SNX29: variants seen among roughly 807,000 people sequenced by gnomAD.
SNX29 encodes sorting nexin-29.
In SNX29, 78 loss-of-function variants were observed where a neutral mutation model predicts 102.1. The observed-to-expected ratio is 0.76, with a 90% CI of 0.64 to 0.92. SNX29 has a LOEUF of 0.92. Ranked by LOEUF, SNX29 falls within the 40% of genes least tolerant of loss-of-function variation. The pLI is 0.00. For missense variants in SNX29, 1,280 were observed against 1,061.7 expected (o/e 1.21, Z -2.86); for synonymous variants, 580 against 414.5 (o/e 1.40, Z -4.85).
chr16:12,471,256 A>G (rs1174923907), intron 18 of SNX29, among the ~76,000 whole-genome samples: 1 of 152,096 alleles, frequency 6.6e-6, no homozygotes, highest in Non-Finnish European at 1.5e-5. Flanking sequence ...ATGGGAGTGC[A>G]TGTTTGTGTG....
intron 20 of SNX29, among the ~76,000 whole-genome samples, chr16:12,566,237 G>A (rs141877620): frequency 1.3e-4 from 20 of 152,308 alleles, no homozygotes; most frequent in Non-Finnish European, 2.5e-4. Flanking sequence ...ATCCCCAAAT[G>A]ACAGACAAGG....
chr16:12,443,142 C>T, intron 18 of SNX29: 1 of 411,796 alleles, frequency 2.4e-6, no homozygotes, highest in South Asian at 1.7e-5. Context: ...TCCTGCCGGG[C>T]CTAGGGCCTG....
chr16:12,566,120 C>G (rs952881741), intron 20 of SNX29, among the ~76,000 whole-genome samples: 2 of 152,216 alleles, frequency 1.3e-5, no homozygotes, highest in African/African-American at 4.8e-5. Flanking sequence ...TTATTCTGTC[C>G]AAGGCTCAGA....
At chr16:12,527,688 G>A (rs1466473468) in intron 20 of SNX29, among the ~76,000 whole-genome samples, 1 of 152,156 alleles carries the variant, frequency 6.6e-6, no homozygotes, top group African/African-American at 2.4e-5. Context: ...GGGGATCCTA[G>A]GGTGTTTGGC....
chr16:12,235,596 A>G (rs574836317), intron 14 of SNX29, among the ~76,000 whole-genome samples: 1 of 152,286 alleles, frequency 6.6e-6, no homozygotes, highest in East Asian at 1.9e-4. Context: ...TAACATTGGC[A>G]TATTTTTCAG....
intron 14 of SNX29, among the ~76,000 whole-genome samples, chr16:12,204,447 C>A (rs1405248212): frequency 6.6e-6 from 1 of 152,194 alleles, no homozygotes; most frequent in East Asian, 1.9e-4. Context: ...CTCCTACCTC[C>A]CCTCTTACTG....
At chr16:12,367,464 A>G (rs189966155) in intron 16 of SNX29, 1 of 152,324 alleles carries the variant, frequency 6.6e-6, no homozygotes, top group East Asian at 1.9e-4. Flanking sequence ...CTCTGAGATG[A>G]CTGAGCTGAT....
intron 11 of SNX29, among the ~76,000 whole-genome samples, chr16:12,108,538 G>A (rs2053362889): frequency 6.6e-6 from 1 of 152,180 alleles, no homozygotes. Flanking sequence ...AGGCATCCAA[G>A]CTTGTTGGGT....
intron 18 of SNX29, among the ~76,000 whole-genome samples, chr16:12,437,724 TCCA>T (rs1359845619): frequency 6.6e-6 from 1 of 152,100 alleles, no homozygotes; most frequent in Non-Finnish European, 1.5e-5. Context: ...CAGATTTATC[TCCA>T]CCATCTTCCC....
intron 20 of SNX29, among the ~76,000 whole-genome samples, chr16:12,558,097 G>T (rs1471856065): frequency 1.3e-5 from 2 of 152,180 alleles, no homozygotes; most frequent in Non-Finnish European, 2.9e-5. Context: ...AAGTGGGGAC[G>T]GGGCAACTGA....
At chr16:12,346,012 C>T (rs553446056) in intron 15 of SNX29, among the ~76,000 whole-genome samples, 6 of 152,326 alleles carry the variant, frequency 3.9e-5, no homozygotes, top group Admixed American at 3.3e-4. Flanking sequence ...CCCTCCCCAC[C>T]GCCATTCCTA....
rs371075864 is a variant in SNX29 at position 12,568,598 on chromosome 16, G to A, written c.2411G>A (p.Arg804His). 136 of 1,605,366 alleles carry A rather than the reference G, an allele frequency of 8.5e-5. No homozygotes were observed. The highest frequency in any genetic ancestry group is 1.6e-4 in the Middle Eastern group (1 of 6,084). ...TCCCGGGGTCAGCCCCGGGAGACCC[G>A]CAACGTGGAGCCCCAGAGCGGTGAC... is the stretch of plus-strand genomic sequence containing the variant. The part of the protein sequence containing the change: ...KLSRGQPRET[R>H]NVEPQSGDL Residue 804 changes from arginine (R) to histidine (H), a missense_variant, in exon 21 of 21, where the codon CGC (arginine) becomes CAC (histidine). Physicochemically the swap from Arg to His is conservative, Grantham distance 29 (BLOSUM62 0). Transcript: ENST00000566228.
chr16:12,350,314 T>C (rs1467786016), intron 15 of SNX29, among the ~76,000 whole-genome samples: 1 of 152,190 alleles, frequency 6.6e-6, no homozygotes, highest in East Asian at 1.9e-4. Flanking sequence ...CTAAACAATA[T>C]GGTAGAACAA....
intron 11 of SNX29, among the ~76,000 whole-genome samples, 194 bp downstream of exon 11, chr16:12,079,109 T>C (rs1326613278): frequency 6.6e-6 from 1 of 152,248 alleles, no homozygotes; most frequent in Non-Finnish European, 1.5e-5. Context: ...CTTGGGCGTG[T>C]GCGCGCTAAA....
intron 15 of SNX29, among the ~76,000 whole-genome samples, chr16:12,283,788 T>C (rs184617421): frequency 2.0e-5 from 3 of 152,360 alleles, no homozygotes; most frequent in Admixed American, 1.3e-4. Context: ...GGACAGATAA[T>C]TGAAGTGCAG....
intron 11 of SNX29, among the ~76,000 whole-genome samples, chr16:12,080,792 A>G (rs1453022505): frequency 1.3e-5 from 2 of 151,752 alleles, no homozygotes; most frequent in South Asian, 2.1e-4. Flanking sequence ...CCTGGGTTCA[A>G]GCGATTCTCC....
intron 16 of SNX29, among the ~76,000 whole-genome samples, chr16:12,361,332 G>C (rs2082294170): frequency 6.6e-6 from 1 of 152,234 alleles, no homozygotes; most frequent in Admixed American, 6.5e-5. Context: ...TTCAGTGTCA[G>C]GTGGTAAATG....
intron 14 of SNX29, among the ~76,000 whole-genome samples, chr16:12,205,490 C>G (rs771400914): frequency 3.3e-5 from 5 of 152,200 alleles, no homozygotes; most frequent in African/African-American, 1.2e-4. Flanking sequence ...CCACCACCCT[C>G]CCTCTTGCTG....
chr16:12,488,180 C>G (rs3803618), intron 19 of SNX29, among the ~76,000 whole-genome samples: 11,293 of 152,074 alleles, frequency 0.074, 734 homozygotes, highest in East Asian at 0.29. Flanking sequence ...GAATCCAGAG[C>G]CAGCCACTGA....
Sources: gnomAD v4.1 joint callset for allele counts (sites outside exome capture counted in the v4.1 genomes callset) on GRCh38, gnomAD v4.1.1 for gene constraint, MANE v1.5 for transcripts, NCBI Gene and HGNC (gene_info 2026-07-23, HGNC 2026-07-21) for gene names.